GBF1: variants seen among roughly 807,000 people sequenced by gnomAD.
GBF1 encodes Golgi-specific brefeldin A-resistance guanine nucleotide exchange factor 1.
A neutral mutation model predicts 210.5 loss-of-function variants in GBF1; 114 were observed. That is an observed-to-expected ratio of 0.54 (90% CI 0.47 to 0.63). The LOEUF is 0.63. Ranked by LOEUF, GBF1 falls within the 30% of genes least tolerant of loss-of-function variation. The pLI is 0.00. For missense variants in GBF1, 1,851 were observed against 2,357.7 expected (o/e 0.79, Z 4.45); for synonymous variants, 850 against 889.2 (o/e 0.96, Z 0.78).
chr10:102,261,227 C>T (rs2073167408), intron 3 of GBF1, among the ~76,000 whole-genome samples: 1 of 108,074 alleles, frequency 9.3e-6, no homozygotes, highest in Admixed American at 1.0e-4. Context: ...ACATTAAGTA[C>T]CTTATATTTG....
intron 3 of GBF1, among the ~76,000 whole-genome samples, chr10:102,290,419 T>A (rs1445789633): frequency 1.3e-5 from 2 of 152,176 alleles, no homozygotes; most frequent in Non-Finnish European, 2.9e-5. Context: ...CTATCCTTTT[T>A]AAATTTTGAT....
intron 3 of GBF1, among the ~76,000 whole-genome samples, chr10:102,304,871 G>A (rs192644677): frequency 8.6e-4 from 131 of 152,044 alleles, no homozygotes; most frequent in Non-Finnish European, 8.7e-4. Context: ...TACAAGCCGG[G>A]TGTGGTGGTG....
At chr10:102,350,093 G>C (rs1338909833) in intron 4 of GBF1, among the ~76,000 whole-genome samples, 1 of 152,180 alleles carries the variant, frequency 6.6e-6, no homozygotes, top group Non-Finnish European at 1.5e-5. Context: ...GCTCACACCT[G>C]TAATCCCAGC....
chr10:102,349,576 T>A (rs138043254), intron 4 of GBF1, among the ~76,000 whole-genome samples: 1 of 152,170 alleles, frequency 6.6e-6, no homozygotes, highest in African/African-American at 2.4e-5. Flanking sequence ...AACAATCTTA[T>A]AATTCCTGTG....
chr10:102,340,565 G>A (rs1050358474), intron 3 of GBF1, among the ~76,000 whole-genome samples: 22 of 151,858 alleles, frequency 1.4e-4, no homozygotes, highest in Non-Finnish European at 2.8e-4. Context: ...GAGCCACCAC[G>A]CCTGGCCGTT....
At chr10:102,360,134 G>A in intron 11 of GBF1, 50 bp from the exon 12 acceptor site, 1 of 1,181,664 alleles carries the variant, frequency 8.5e-7, no homozygotes, top group Non-Finnish European at 1.3e-6. Flanking sequence ...GGCAAAGCCA[G>A]CAGACTAGTT....
At chr10:102,359,173 A>G (rs2096030081) in intron 10 of GBF1, 94 bp from the exon 11 acceptor site, 1 of 860,360 alleles carries the variant, frequency 1.2e-6, no homozygotes, top group African/African-American at 1.7e-5. Flanking sequence ...GTAGCCCATT[A>G]GAGACAGCTT....
chr10:102,259,043 GA>G lies in GBF1; in HGVS notation c.96+12del. ...GCACCCATACACCACTGGTAAGTGG[GA>G]AATGGATAAATAGCCTGGTCACTAA... On this transcript the variant is annotated intron_variant, in intron 2 of 39. Coordinates refer to ENST00000369983, the MANE Select transcript of GBF1 (RefSeq NM_001377137.1). 7.1e-7 allele frequency: 1 copy of G among 1,408,380 alleles called. No individual in the cohort carries two copies. Among genetic ancestry groups the G allele is most frequent in the Non-Finnish European group, 1.0e-6 (1 of 992,220 alleles). The allele number at this position is 1,408,380 out of a possible 1,614,324, so 87.2% of individuals were successfully genotyped here. A position where few individuals can be genotyped will look rare whatever the true frequency, so the allele number is the denominator to read the frequency against.
chr10:102,375,343 C>G lies in GBF1; in HGVS notation c.3661-16C>G, dbSNP rs762620335. The stretch of plus-strand genomic sequence containing the variant: ...AGCTCCCCGCTTCCCCGCTCCCTGC[C>G]CTAACCCCACTCCAGGTGCTGCTCT... On this transcript the variant is annotated splice_polypyrimidine_tract_variant and intron_variant, in intron 29 of 39. Transcript: ENST00000369983. 6.6e-6 allele frequency: 10 copies of G among 1,521,634 alleles called. No individual in the cohort carries two copies. The highest frequency in any genetic ancestry group is 4.5e-5 in the South Asian group (4 of 89,246). The allele number at this position is 1,521,634 out of a possible 1,614,324, so 94.3% of individuals were successfully genotyped here.
Position 102,358,733 on chromosome 10 carries a change from T to C in GBF1, c.1011+4T>C. 3.2e-6 allele frequency: 5 copies of C among 1,583,896 alleles called. No individual in the cohort carries two copies. Among genetic ancestry groups the C allele is most frequent in the Non-Finnish European group, 4.3e-6 (5 of 1,152,772 alleles). On this transcript the variant is annotated splice_donor_region_variant and intron_variant, in intron 10 of 39. Coordinates refer to ENST00000369983, the MANE Select transcript of GBF1 (RefSeq NM_001377137.1). ...TCCCGAGCAGCCTGACCTCCAGGTA[T>C]GGCTTTGATTTTTAATGTCCCTCTT...
chr10:102,266,083 C>CA (rs1345098791), intron 3 of GBF1, among the ~76,000 whole-genome samples: 2 of 151,930 alleles, frequency 1.3e-5, no homozygotes, highest in Non-Finnish European at 2.9e-5. Flanking sequence ...TAAAAAAATA[C>CA]AAAAAATTAG....
chr10:102,310,120 T>C (rs556005651), intron 3 of GBF1, among the ~76,000 whole-genome samples: 75 of 152,306 alleles, frequency 4.9e-4, no homozygotes, highest in African/African-American at 1.6e-3. Flanking sequence ...AAGTGGTGAA[T>C]TGGAAAAGTG....
intron 3 of GBF1, among the ~76,000 whole-genome samples, chr10:102,291,263 A>AT (rs1033625808): frequency 1.6e-4 from 24 of 152,104 alleles, no homozygotes; most frequent in African/African-American, 5.5e-4. Flanking sequence ...AGGTAGTGGT[A>AT]TTTTTTTATC....
In GBF1 at chr10:102,358,615, A is replaced by G. The variant is rs772810062; in HGVS notation, c.897A>G (p.Gln299=). The G allele has an allele frequency of 6.2e-7, 1 of 1,613,466 alleles. No homozygotes were observed. ...STDSGLEFSS[Q]TTSKEDLTDL... ...ACAGTGGCCTGGAATTCTCCTCCCAAACCACTTCCAAGGAAGACCTTACTG... is the reference window on the plus strand; with the variant it reads ...ACAGTGGCCTGGAATTCTCCTCCCAGACCACTTCCAAGGAAGACCTTACTG... The change falls in exon 10 of 40, where the codon CAA becomes CAG. Residue 299 remains glutamine, a synonymous_variant. Transcript: ENST00000369983.
At chr10:102,293,765 TTTTG>T (rs1476675452) in intron 3 of GBF1, among the ~76,000 whole-genome samples, 2 of 28,162 alleles carry the variant, frequency 7.1e-5, no homozygotes, top group Admixed American at 3.8e-4. Context: ...CTGTAGTATG[TTTTG>T]TGTTTTTTTT....
intron 17 of GBF1, among the ~76,000 whole-genome samples, chr10:102,364,039 A>C (rs565998142): frequency 6.6e-6 from 1 of 152,062 alleles, no homozygotes; most frequent in Non-Finnish European, 1.5e-5. Context: ...TTGAGAGCCA[A>C]GTGTCACTAG....
the GBF1 span, among the ~76,000 whole-genome samples, chr10:102,235,812 T>A: frequency 6.6e-6 from 1 of 152,166 alleles, no homozygotes; most frequent in African/African-American, 2.4e-5. Context: ...GTGAGTACGC[T>A]GCATTACTGA....
At chr10:102,290,757 A>C (rs746262819) in intron 3 of GBF1, among the ~76,000 whole-genome samples, 28 of 152,156 alleles carry the variant, frequency 1.8e-4, no homozygotes, top group Non-Finnish European at 2.6e-4. Flanking sequence ...CACCTGCCTG[A>C]GCCTCCCAAA....
chr10:102,317,840 A>G (rs2055966561), intron 3 of GBF1, among the ~76,000 whole-genome samples: 1 of 152,152 alleles, frequency 6.6e-6, no homozygotes, highest in Non-Finnish European at 1.5e-5. Context: ...GATATTATTC[A>G]TTGTATGAAT....
Sources: allele counts gnomAD v4.1 joint callset (sites outside exome capture counted in the v4.1 genomes callset), GRCh38; gene constraint gnomAD v4.1.1; transcripts MANE v1.5; gene names NCBI Gene and HGNC (gene_info 2026-07-23, HGNC 2026-07-21).